Variants in DACH2 observed in about 807,000 individuals in gnomAD.
DACH2 encodes the protein dachshund homolog 2.
Under a neutral mutation model 35.8 loss-of-function variants are expected in DACH2, and 17 were observed. The ratio of observed to expected loss-of-function variants is 0.48; its 90% confidence interval spans 0.33 to 0.71. DACH2 has a LOEUF of 0.71. Ranked by LOEUF, DACH2 falls within the 30% of genes least tolerant of loss-of-function variation. DACH2 has a pLI of 0.02. For missense variants in DACH2, 469 were observed against 472.7 expected (o/e 0.99, Z 0.07); for synonymous variants, 195 against 177.3 (o/e 1.10, Z -0.79).
At chrX:86,819,265 C>T (rs28611035) in intron 11 of DACH2, among the ~76,000 whole-genome samples, 5,540 of 109,959 alleles carry the variant, frequency 0.05, 376 homozygotes, top group African/African-American at 0.17. Flanking sequence ...ATGGTTATGT[C>T]CACTATCTCT....
intron 3 of DACH2, among the ~76,000 whole-genome samples, chrX:86,607,045 G>A (rs1049840921): frequency 9.0e-6 from 1 of 111,297 alleles, no homozygotes; most frequent in African/African-American, 3.3e-5. Flanking sequence ...ATTAGCATGG[G>A]ATATCTTTTT....
intron 3 of DACH2, among the ~76,000 whole-genome samples, chrX:86,569,558 C>T (rs967813970): frequency 2.2e-4 from 24 of 111,165 alleles, no homozygotes; most frequent in African/African-American, 5.5e-4. Flanking sequence ...GTCCAAAATG[C>T]GACTTAAACT....
intron 3 of DACH2, among the ~76,000 whole-genome samples, chrX:86,543,593 A>C (rs2038915566): frequency 9.0e-6 from 1 of 110,969 alleles, no homozygotes; most frequent in Non-Finnish European, 1.9e-5. Flanking sequence ...CAATAAAATG[A>C]TACAGGAGAT....
At chrX:86,463,451 C>T (rs1021135640) in intron 2 of DACH2, among the ~76,000 whole-genome samples, 7 of 110,448 alleles carry the variant, frequency 6.3e-5, no homozygotes, top group African/African-American at 2.3e-4. Flanking sequence ...ATAAATGGTG[C>T]TGGAAAAAGT....
At chrX:86,419,128 T>C (rs1037768634) in intron 2 of DACH2, among the ~76,000 whole-genome samples, 1 of 111,905 alleles carries the variant, frequency 8.9e-6, no homozygotes, top group African/African-American at 3.2e-5. Flanking sequence ...AGGAAGTCTC[T>C]AGGAAGTTCC....
At chrX:86,469,264 A>G (rs1398668128) in intron 2 of DACH2, among the ~76,000 whole-genome samples, 3 of 111,014 alleles carry the variant, frequency 2.7e-5, no homozygotes, top group African/African-American at 9.8e-5. Context: ...AATGGAATAC[A>G]TTCAAGGTTT....
chrX:86,730,864 T>G (rs775811539), intron 6 of DACH2, among the ~76,000 whole-genome samples: 10 of 111,233 alleles, frequency 9.0e-5, no homozygotes, highest in Non-Finnish European at 1.7e-4. Flanking sequence ...TAATACTGAG[T>G]GATTTGTTAG....
At chrX:86,608,128 A>G (rs2039884397) in intron 3 of DACH2, among the ~76,000 whole-genome samples, 1 of 111,066 alleles carries the variant, frequency 9.0e-6, no homozygotes, top group African/African-American at 3.3e-5. Flanking sequence ...ACACTTCTCA[A>G]AAGAAGACAT....
chrX:86,674,853 G>A (rs889875629), intron 4 of DACH2, among the ~76,000 whole-genome samples: 3 of 110,445 alleles, frequency 2.7e-5, no homozygotes, highest in Non-Finnish European at 5.7e-5. Flanking sequence ...AAGAAGTCTT[G>A]CCCCATGCTT....
At chrX:86,376,716 A>T (rs929514049) in intron 1 of DACH2, 108 bp from the exon 2 acceptor site, 6 of 1,017,130 alleles carry the variant, frequency 5.9e-6, no homozygotes, top group Non-Finnish European at 7.7e-6. Context: ...GAATTTAGGA[A>T]GATGTTTTGT....
At chrX:86,410,969 G>T (rs1295778390) in intron 2 of DACH2, among the ~76,000 whole-genome samples, 1 of 91,577 alleles carries the variant, frequency 1.1e-5, no homozygotes, top group East Asian at 4.1e-4. Context: ...TGAAAGTAGT[G>T]CTTAGTACAT....
chrX:86,274,557 T>C (rs1011202562), intron 1 of DACH2, among the ~76,000 whole-genome samples: 1 of 88,676 alleles, frequency 1.1e-5, no homozygotes, highest in Non-Finnish European at 2.1e-5. Context: ...AGCAGTGGCG[T>C]GATCTCGGCT....
chrX:86,158,151 G>T (rs1233766137), intron 1 of DACH2, among the ~76,000 whole-genome samples: 1 of 111,609 alleles, frequency 9.0e-6, no homozygotes, highest in African/African-American at 3.2e-5. Context: ...CTGAAGACTT[G>T]CTCTATATAA....
At chrX:86,337,828 C>T (rs2035340719) in intron 1 of DACH2, among the ~76,000 whole-genome samples, 1 of 111,426 alleles carries the variant, frequency 9.0e-6, no homozygotes, top group Admixed American at 9.6e-5. Context: ...ATCTCATGTG[C>T]AGAGACACAC....
intron 7 of DACH2, among the ~76,000 whole-genome samples, chrX:86,793,256 T>A (rs1328355420): frequency 9.0e-6 from 1 of 110,939 alleles, no homozygotes; most frequent in African/African-American, 3.3e-5. Context: ...TTGAGTTGTT[T>A]GAGTTCCTTG....
chrX:86,756,137 A>C (rs760316052), intron 7 of DACH2, among the ~76,000 whole-genome samples: 1 of 111,224 alleles, frequency 9.0e-6, no homozygotes, highest in Non-Finnish European at 1.9e-5. Context: ...TTTGGCTACT[A>C]TAGCCTTGTA....
chrX:86,304,903 C>A (rs991486061), intron 1 of DACH2: 6 of 125,518 alleles, frequency 4.8e-5, no homozygotes, highest in Admixed American at 9.0e-5. Context: ...TGTACTACAA[C>A]ATCTACTGGT....
intron 7 of DACH2, among the ~76,000 whole-genome samples, chrX:86,769,811 A>T (rs1362244567): frequency 2.7e-5 from 3 of 110,164 alleles, no homozygotes; most frequent in African/African-American, 9.9e-5. Context: ...CTGGTTTTGA[A>T]ACCTTAAATG....
chrX:86,443,963 T>A (rs186549419), intron 2 of DACH2, among the ~76,000 whole-genome samples: 573 of 112,143 alleles, frequency 5.1e-3, no homozygotes, highest in Non-Finnish European at 7.4e-3. Context: ...AGTTTTCTTT[T>A]TCTGTGCTCT....
Sources: gnomAD v4.1 joint callset for allele counts (sites outside exome capture counted in the v4.1 genomes callset) on GRCh38, gnomAD v4.1.1 for gene constraint, MANE v1.5 for transcripts, NCBI Gene and HGNC (gene_info 2026-07-23, HGNC 2026-07-21) for gene names.